The following GLDN variants were observed in gnomAD, a reference collection of about 807,000 sequenced individuals.
GLDN encodes gliomedin.
Under a neutral mutation model 56.5 loss-of-function variants are expected in GLDN, and 47 were observed. That is an observed-to-expected ratio of 0.83 (90% CI 0.66 to 1.06). GLDN has a LOEUF of 1.06. Among genes scored for constraint, GLDN ranks in the 50% least tolerant of loss-of-function variants. GLDN has a pLI of 0.00. For missense variants in GLDN, 782 were observed against 714.3 expected (o/e 1.09, Z -1.08); for synonymous variants, 332 against 278.8 (o/e 1.19, Z -1.90).
chr15:51,393,074 C>T (rs1247581065), intron 4 of GLDN, among the ~76,000 whole-genome samples: 1 of 152,110 alleles, frequency 6.6e-6, no homozygotes, highest in Non-Finnish European at 1.5e-5. Flanking sequence ...TGTAGATGTC[C>T]TTTTCCAGAC....
intron 4 of GLDN, among the ~76,000 whole-genome samples, chr15:51,393,840 G>A (rs866652482): frequency 1.3e-5 from 2 of 152,202 alleles, no homozygotes; most frequent in African/African-American, 2.4e-5. Context: ...AGCAATGTGC[G>A]GAGGACAGCA....
intron 1 of GLDN, among the ~76,000 whole-genome samples, chr15:51,359,978 CAAA>C (rs58874237): frequency 8.6e-5 from 8 of 92,694 alleles, no homozygotes; most frequent in Non-Finnish European, 4.5e-5. Context: ...GACTCTGTCT[CAAA>C]AAAAAAAAAA....
At chr15:51,380,388 T>C (rs1052136692) in intron 2 of GLDN, among the ~76,000 whole-genome samples, 2 of 152,282 alleles carry the variant, frequency 1.3e-5, no homozygotes, top group Admixed American at 1.3e-4. Context: ...CTTGAGGATG[T>C]GCTATTCAAG....
At chr15:51,351,588 G>T (rs16964277) in intron 1 of GLDN, among the ~76,000 whole-genome samples, 4,061 of 152,260 alleles carry the variant, frequency 0.027, 191 homozygotes, top group African/African-American at 0.094. Context: ...AAAGCCAAGG[G>T]CTGGTTCATC....
chr15:51,352,702 C>A (rs2037097973), intron 1 of GLDN, among the ~76,000 whole-genome samples: 1 of 152,180 alleles, frequency 6.6e-6, no homozygotes, highest in Non-Finnish European at 1.5e-5. Context: ...AGCTCCCACC[C>A]CTCTGAAACT....
chr15:51,401,802 T>A, intron 9 of GLDN, 59 bp downstream of exon 9: 17 of 1,490,364 alleles, frequency 1.1e-5, no homozygotes, highest in Non-Finnish European at 1.6e-5. Flanking sequence ...CTGTGGTGCT[T>A]TTGTGAGCAA....
At chr15:51,369,842 G>A (rs1297438051) in intron 1 of GLDN, among the ~76,000 whole-genome samples, 29 of 152,218 alleles carry the variant, frequency 1.9e-4, no homozygotes, top group Non-Finnish European at 2.9e-5. Flanking sequence ...CAAAAAAGTA[G>A]CAGTAGCTCA....
intron 9 of GLDN, 47 bp downstream of exon 9, chr15:51,401,790 T>A: frequency 6.4e-7 from 1 of 1,571,016 alleles, no homozygotes; most frequent in Admixed American, 1.8e-5. Flanking sequence ...GCAGCACCTG[T>A]GCTGTGGTGC....
At position 51,407,670 on chromosome 15, in the gene GLDN, G is replaced by A. The variant is rs1178496624; in HGVS notation, c.*2916G>A. ...AGGTGCTATGACAGAAAAAGTTCTG[G>A]GGTGGAAGTTTTAAGATGAGGAGTT... On this transcript the variant is annotated 3_prime_UTR_variant, in exon 10 of 10. Coordinates refer to ENST00000335449, the MANE Select transcript of GLDN (RefSeq NM_181789.4). The A allele has an allele frequency of 1.3e-5, 2 of 152,226 alleles. No homozygotes were observed. The highest frequency in any genetic ancestry group is 4.8e-5 in the African/African-American group (2 of 41,448). The allele number at this position is 152,226 out of a possible 1,614,324, so 9.4% of individuals were successfully genotyped here. A position where few individuals can be genotyped will look rare whatever the true frequency, so the allele number is the denominator to read the frequency against.
In GLDN at chr15:51,406,891, T is replaced by A. The variant is rs978855563; in HGVS notation, c.*2137T>A. ...CAAGATCAATATGTCTAATAAGTGC[T>A]GGTGTCCTTTTAAAGTATTTAAATA... is the stretch of plus-strand genomic sequence containing the variant. On this transcript the variant is annotated 3_prime_UTR_variant, in exon 10 of 10. Coordinates refer to ENST00000335449, the MANE Select transcript of GLDN (RefSeq NM_181789.4). 4 of 152,250 alleles carry A rather than the reference T, an allele frequency of 2.6e-5. No individual in the cohort carries two copies. The highest frequency in any genetic ancestry group is 9.6e-5 in the African/African-American group (4 of 41,462). The allele number at this position is 152,250 out of a possible 1,614,324, so 9.4% of individuals were successfully genotyped here. A position where few individuals can be genotyped will look rare whatever the true frequency, so the allele number is the denominator to read the frequency against.
downstream of GLDN, among the ~76,000 whole-genome samples, chr15:51,410,587 G>C (rs1211945972): frequency 6.6e-6 from 1 of 152,154 alleles, no homozygotes; most frequent in Non-Finnish European, 1.5e-5. Flanking sequence ...CACAGGTGTT[G>C]ATCCTAAGGG....
At chr15:51,395,008 T>A (rs2038097215) in intron 5 of GLDN, 27 bp downstream of exon 5, 2 of 1,540,498 alleles carry the variant, frequency 1.3e-6, no homozygotes, top group Non-Finnish European at 1.7e-6. Context: ...GTGGCTCTCT[T>A]TGAGGGCTTG....
intron 2 of GLDN, 123 bp downstream of exon 2, chr15:51,377,623 A>G (rs546080105): frequency 1.6e-6 from 1 of 633,586 alleles, no homozygotes; most frequent in Non-Finnish European, 2.7e-6. Flanking sequence ...CTTTTACCAG[A>G]TGTTTTTAAT....
Position 51,401,616 on chromosome 15 carries a change from G to C in GLDN, c.1051G>C (p.Asp351His). Residue 351 changes from aspartate (D) to histidine (H), a missense_variant, in exon 9 of 10, where the codon GAT becomes CAT. By Grantham distance (81) the Asp-to-His change is moderately conservative. Transcript: ENST00000335449. ...FSGIMVKEFK[D>H]QPSLLNGSYT... The stretch of plus-strand genomic sequence containing the variant: ...AGGCATCATGGTTAAGGAATTCAAG[G>C]ATCAGCCCTCACTTCTGAATGGCAG... The C allele has an allele frequency of 2.5e-6, 4 of 1,613,970 alleles. No homozygotes were observed. The highest frequency in any genetic ancestry group is 3.4e-6 in the Non-Finnish European group (4 of 1,179,898).
chr15:51,377,736 G>GGACT (rs2037665928), intron 2 of GLDN, among the ~76,000 whole-genome samples: 1 of 152,140 alleles, frequency 6.6e-6, no homozygotes, highest in Non-Finnish European at 1.5e-5. Context: ...AATTAGAAAC[G>GGACT]TGTGGTACCT....
At chr15:51,393,593 G>GT (rs1162646100) in intron 4 of GLDN, among the ~76,000 whole-genome samples, 2 of 152,222 alleles carry the variant, frequency 1.3e-5, no homozygotes, top group Admixed American at 6.5e-5. Flanking sequence ...CTGCAGGGCT[G>GT]TTTCACGCAG....
intron 2 of GLDN, among the ~76,000 whole-genome samples, chr15:51,382,095 T>C (rs145224103): frequency 6.6e-6 from 1 of 152,280 alleles, no homozygotes; most frequent in East Asian, 1.9e-4. Context: ...CCCACCTCTG[T>C]ACCTTTACTC....
rs756537885 is a variant in GLDN at position 51,341,745 on chromosome 15, G to A, written c.61G>A (p.Ala21Thr). 1.4e-6 allele frequency: 2 copies of A among 1,466,478 alleles called. No individual in the cohort carries two copies. Among genetic ancestry groups the A allele is most frequent in the Non-Finnish European group, 8.9e-7 (1 of 1,121,106 alleles). 90.8% of individuals were successfully genotyped at this position (1,466,478 alleles called of 1,614,324 possible). Residue 21 changes from alanine to threonine, a missense_variant, in exon 1 of 10, where the codon GCG becomes ACG. By Grantham distance (58) the Ala-to-Thr change is moderately conservative. Transcript: ENST00000335449. ...DAGWGLRGALAAVALLSALNA... is the reference protein window; with the variant it reads ...DAGWGLRGALTAVALLSALNA... ...GGGTTGGGGCCTGCGTGGCGCCCTG[G>A]CGGCCGTGGCGCTGCTCTCGGCGCT...
chr15:51,387,793 G>T (rs2037931931), intron 4 of GLDN, among the ~76,000 whole-genome samples: 1 of 152,098 alleles, frequency 6.6e-6, no homozygotes, highest in South Asian at 2.1e-4. Flanking sequence ...TTAGGGTGGG[G>T]TGTGCCCTCT....
Sources: gnomAD v4.1 joint callset for allele counts (sites outside exome capture counted in the v4.1 genomes callset) on GRCh38, gnomAD v4.1.1 for gene constraint, MANE v1.5 for transcripts, NCBI Gene and HGNC (gene_info 2026-07-23, HGNC 2026-07-21) for gene names.